The following COL28A1 variants were observed in gnomAD, a reference collection of about 807,000 sequenced individuals.
COL28A1 encodes the protein collagen type XXVIII alpha 1 chain, also known as collagen alpha-1(XXVIII) chain.
COL28A1 carries 161 observed loss-of-function variants against 150.2 expected under a neutral mutation model. That is an observed-to-expected ratio of 1.07 (90% CI 0.94 to 1.22). COL28A1 has a LOEUF of 1.22. Among genes scored for constraint, COL28A1 ranks in the 50% most tolerant of loss-of-function variants. The pLI, the probability that COL28A1 is intolerant of heterozygous loss-of-function variation, is 0.00. For synonymous variants in COL28A1, 552 were observed against 469.7 expected (o/e 1.18, Z -2.26); for missense variants, 1,617 against 1,388.3 (o/e 1.16, Z -2.62).
At chr7:7,506,777 G>C (rs1780831909) in intron 10 of COL28A1, among the ~76,000 whole-genome samples, 1 of 152,100 alleles carries the variant, frequency 6.6e-6, no homozygotes, top group African/African-American at 2.4e-5. Flanking sequence ...CATTATAGTA[G>C]CAGTGCAAAA....
At chr7:7,523,021 T>C (rs1360188497) in intron 4 of COL28A1, among the ~76,000 whole-genome samples, 2 of 152,088 alleles carry the variant, frequency 1.3e-5, no homozygotes, top group African/African-American at 2.4e-5. Flanking sequence ...CTTATATGTA[T>C]ATATGAAAGT....
In COL28A1 at chr7:7,432,447, G is replaced by C. The variant is rs371140244; in HGVS notation, c.1998+26C>G. ...CCTATAGGTGCACTCTTAGAAGCTA[G>C]TACGTTGCCTACTTTAAAGTCTTAC... On this transcript the variant is annotated intron_variant, in intron 25 of 34. Transcript: ENST00000399429. 5.6e-6 allele frequency: 9 copies of C among 1,604,208 alleles called. No individual in the cohort carries two copies. In the African/African-American group the frequency reaches 8.0e-5, roughly 14 times the overall value.
At chr7:7,398,290 G>A (rs762014484) in intron 27 of COL28A1, among the ~76,000 whole-genome samples, 18 of 152,142 alleles carry the variant, frequency 1.2e-4, no homozygotes, top group Non-Finnish European at 2.6e-4. Context: ...ACAGTCAAAT[G>A]TTCTCCATTT....
the COL28A1 span, among the ~76,000 whole-genome samples, chr7:7,542,468 T>G: frequency 6.6e-6 from 1 of 152,234 alleles, no homozygotes; most frequent in Admixed American, 6.5e-5. Context: ...TGTATAATTC[T>G]GTTAACTTTT....
chr7:7,444,208 A>C (rs1187356025), intron 19 of COL28A1, among the ~76,000 whole-genome samples: 3 of 152,096 alleles, frequency 2.0e-5, no homozygotes, highest in African/African-American at 7.2e-5. Context: ...CACCAGACAG[A>C]AGGCAGAGGA....
chr7:7,345,437 G>A, the COL28A1 span, among the ~76,000 whole-genome samples: 1 of 151,880 alleles, frequency 6.6e-6, no homozygotes, highest in Admixed American at 6.6e-5. Context: ...TACCATTTCT[G>A]GTGTTCTTCG....
intron 25 of COL28A1, among the ~76,000 whole-genome samples, chr7:7,422,471 A>G (rs1039781247): frequency 2.0e-5 from 3 of 152,082 alleles, no homozygotes; most frequent in Non-Finnish European, 4.4e-5. Context: ...TCTACTAAAA[A>G]TACAAAAATT....
chr7:7,392,816 C>A (rs1782623407), intron 27 of COL28A1, among the ~76,000 whole-genome samples: 1 of 152,138 alleles, frequency 6.6e-6, no homozygotes, highest in African/African-American at 2.4e-5. Context: ...CTGTGTTTTT[C>A]AGCTCCATCA....
At chr7:7,343,273 G>GTTCTAAAAAA in the COL28A1 span, among the ~76,000 whole-genome samples, 1 of 151,912 alleles carries the variant, frequency 6.6e-6, no homozygotes, top group South Asian at 2.1e-4. Context: ...AATTTCACAT[G>GTTCTAAAAAA]GTATCACCTT....
At chr7:7,338,284 C>A in the COL28A1 span, among the ~76,000 whole-genome samples, 1 of 152,004 alleles carries the variant, frequency 6.6e-6, no homozygotes, top group African/African-American at 2.4e-5. Flanking sequence ...TAGCTCTGGG[C>A]AGTATGGTCG....
At chr7:7,369,906 T>C (rs1781128108) in intron 33 of COL28A1, among the ~76,000 whole-genome samples, 1 of 152,162 alleles carries the variant, frequency 6.6e-6, no homozygotes, top group African/African-American at 2.4e-5. Flanking sequence ...GCATGACTGT[T>C]ATGTGCCTGC....
At position 7,457,634 on chromosome 7, in the gene COL28A1, A is replaced by G. The variant is rs180788526; in HGVS notation, c.1303-1522T>C. ...TAATTGAGTGAATTTGCCAAGTAAT[A>G]GAAAAAAGAGATGGTCCCAGGACTG... is the stretch of plus-strand genomic sequence containing the variant. On this transcript the variant is annotated intron_variant, in intron 15 of 34. Transcript: ENST00000399429. 2.8e-3 allele frequency among the ~76,000 whole-genome samples: 432 copies of G among 152,316 alleles called. 2 individuals carry two copies. Among genetic ancestry groups the G allele is most frequent in the African/African-American group, 1.0e-2 (414 of 41,564 alleles).
intron 9 of COL28A1, among the ~76,000 whole-genome samples, chr7:7,508,938 A>G (rs773263982): frequency 6.6e-6 from 1 of 152,080 alleles, no homozygotes; most frequent in Non-Finnish European, 1.5e-5. Flanking sequence ...GGTTCAAGCA[A>G]TTCTCCTGCT....
the COL28A1 span, among the ~76,000 whole-genome samples, chr7:7,541,044 T>G: frequency 2.6e-5 from 4 of 152,332 alleles, no homozygotes; most frequent in Middle Eastern, 3.4e-3. Flanking sequence ...CCAAAAAAAG[T>G]TTTAAAATAA....
At chr7:7,363,268 C>G (rs1351053655) in intron 33 of COL28A1, among the ~76,000 whole-genome samples, 2 of 152,168 alleles carry the variant, frequency 1.3e-5, no homozygotes, top group Non-Finnish European at 2.9e-5. Flanking sequence ...AAATCTTTAC[C>G]TTGTTCAAGT....
intron 17 of COL28A1, 126 bp downstream of exon 17, chr7:7,453,314 G>A (rs1050859926): frequency 4.3e-6 from 3 of 701,182 alleles, no homozygotes; most frequent in Non-Finnish European, 7.6e-6. Flanking sequence ...GTAACATTTT[G>A]CATTAAGTAG....
intron 27 of COL28A1, among the ~76,000 whole-genome samples, chr7:7,388,959 T>G (rs1326600857): frequency 6.6e-6 from 1 of 152,220 alleles, no homozygotes; most frequent in African/African-American, 2.4e-5. Flanking sequence ...CTGTTCACTC[T>G]GATGATAGTT....
At chr7:7,415,951 C>A (rs192501729) in intron 27 of COL28A1, among the ~76,000 whole-genome samples, 196 of 152,220 alleles carry the variant, frequency 1.3e-3, no homozygotes, top group African/African-American at 4.6e-3. Flanking sequence ...TACAGACATG[C>A]ACCACCACAC....
intron 27 of COL28A1, among the ~76,000 whole-genome samples, chr7:7,406,391 A>AT (rs1396817059): frequency 6.6e-6 from 1 of 152,194 alleles, no homozygotes; most frequent in Non-Finnish European, 1.5e-5. Context: ...ACAAATATTT[A>AT]TTAAGTGCCT....
Sources: allele counts gnomAD v4.1 joint callset (sites outside exome capture counted in the v4.1 genomes callset), GRCh38; gene constraint gnomAD v4.1.1; transcripts MANE v1.5; gene names NCBI Gene and HGNC (gene_info 2026-07-23, HGNC 2026-07-21).